Variants in CDH4 observed in about 807,000 individuals in gnomAD.
The protein encoded by CDH4 is cadherin 4, also known as cadherin-4.
In CDH4, 33 loss-of-function variants were observed where a neutral mutation model predicts 86.0. The observed-to-expected ratio is 0.38, with a 90% CI of 0.29 to 0.51. CDH4 has a LOEUF of 0.51. Ranked by LOEUF, CDH4 falls within the 20% of genes least tolerant of loss-of-function variation. CDH4 has a pLI of 0.86. For synonymous variants in CDH4, 555 were observed against 549.4 expected (o/e 1.01, Z -0.14); for missense variants, 1,114 against 1,307.4 (o/e 0.85, Z 2.28).
At chr20:61,852,980 C>G in intron 6 of CDH4, 82 bp downstream of exon 6, 5 of 1,433,686 alleles carry the variant, frequency 3.5e-6, no homozygotes, top group Non-Finnish European at 4.8e-6. Flanking sequence ...GGGAGGGCTG[C>G]TTAGTCCCCG....
intron 4 of CDH4, among the ~76,000 whole-genome samples, chr20:61,774,214 T>C (rs1023633558): frequency 5.3e-5 from 8 of 152,230 alleles, no homozygotes; most frequent in African/African-American, 1.9e-4. Context: ...GGCTCAGCTT[T>C]CCTTGGCCAC....
intron 2 of CDH4, among the ~76,000 whole-genome samples, chr20:61,312,526 C>T (rs191755734): frequency 9.9e-5 from 15 of 152,198 alleles, no homozygotes; most frequent in East Asian, 9.7e-4. Flanking sequence ...CCAGCTGGTC[C>T]GTATTGGGGA....
chr20:61,720,370 G>C (rs113982964), intron 2 of CDH4, among the ~76,000 whole-genome samples: 31 of 151,940 alleles, frequency 2.0e-4, no homozygotes, highest in Non-Finnish European at 3.7e-4. Flanking sequence ...CAGGGGACAC[G>C]TGCAGGGGTG....
At chr20:61,661,656 C>T (rs934964143) in intron 2 of CDH4, among the ~76,000 whole-genome samples, 1 of 152,076 alleles carries the variant, frequency 6.6e-6, no homozygotes, top group Non-Finnish European at 1.5e-5. Context: ...ATGGATCCTT[C>T]GTGTTTGTCA....
intron 7 of CDH4, among the ~76,000 whole-genome samples, chr20:61,887,570 GATTT>G (rs368576204): frequency 2.6e-5 from 4 of 152,338 alleles, no homozygotes; most frequent in African/African-American, 9.6e-5. Flanking sequence ...TACGATGCTT[GATTT>G]ATTTTCAATA....
chr20:61,873,379 G>T lies in CDH4; in HGVS notation c.878-349G>T, dbSNP rs932811073. Among the ~76,000 whole-genome samples, 5 of 152,206 alleles carry T rather than the reference G, an allele frequency of 3.3e-5. No individual in the cohort carries two copies. In the East Asian group the frequency reaches 9.6e-4, roughly 29 times the overall value. ...GAAGCACCTTGGACGCACTGTCGGG[G>T]CCTCAGGCCACCCGGCTCCAGGCCT... is the stretch of plus-strand genomic sequence containing the variant. On this transcript the variant is annotated intron_variant, in intron 6 of 15. Coordinates refer to ENST00000614565, the MANE Select transcript of CDH4 (RefSeq NM_001794.5).
intron 4 of CDH4, among the ~76,000 whole-genome samples, chr20:61,776,879 G>A (rs183933435): frequency 1.1e-4 from 16 of 152,302 alleles, no homozygotes; most frequent in Admixed American, 3.9e-4. Context: ...CATGGGGAAC[G>A]AGTCCAACTC....
chr20:61,317,553 G>C (rs1307126078), intron 2 of CDH4, among the ~76,000 whole-genome samples: 1 of 152,146 alleles, frequency 6.6e-6, no homozygotes. Flanking sequence ...TCCAGACCAG[G>C]TTTCCTGACG....
At chr20:61,715,660 A>G (rs11906745) in intron 2 of CDH4, among the ~76,000 whole-genome samples, 21,087 of 152,244 alleles carry the variant, frequency 0.14, 2,203 homozygotes, top group South Asian at 0.35. Flanking sequence ...AGGGACAGAC[A>G]TAGGTGGCTC....
chr20:61,313,768 G>A (rs56374158), intron 2 of CDH4, among the ~76,000 whole-genome samples: 16,825 of 152,120 alleles, frequency 0.11, 1,100 homozygotes, highest in East Asian at 0.25. Context: ...ACATGGTCTC[G>A]CTCTGTCACC....
At chr20:61,481,184 G>A (rs1360111421) in intron 2 of CDH4, among the ~76,000 whole-genome samples, 3 of 152,172 alleles carry the variant, frequency 2.0e-5, no homozygotes, top group Non-Finnish European at 2.9e-5. Context: ...GGAACACGTG[G>A]TAGGGTCTGG....
chr20:61,416,097 G>A (rs1255813586), intron 2 of CDH4, among the ~76,000 whole-genome samples: 6 of 150,164 alleles, frequency 4.0e-5, no homozygotes, highest in Non-Finnish European at 7.4e-5. Context: ...TGCCCCCTGG[G>A]TTTAAGCAAT....
At chr20:61,343,660 C>T (rs2084661333) in intron 2 of CDH4, among the ~76,000 whole-genome samples, 2 of 152,202 alleles carry the variant, frequency 1.3e-5, no homozygotes, top group African/African-American at 4.8e-5. Context: ...CAAAAAGGCT[C>T]ATCCTGCTGT....
intron 7 of CDH4, among the ~76,000 whole-genome samples, chr20:61,891,866 C>A (rs1307820839): frequency 2.6e-5 from 4 of 152,204 alleles, no homozygotes; most frequent in Non-Finnish European, 4.4e-5. Context: ...TCCTCTGGAT[C>A]CCCAGCCCTC....
At chr20:61,660,605 G>A (rs1036968742) in intron 2 of CDH4, among the ~76,000 whole-genome samples, 1 of 152,098 alleles carries the variant, frequency 6.6e-6, no homozygotes, top group African/African-American at 2.4e-5. Context: ...AGGGGTGGAC[G>A]GGGCGGTCGT....
intron 4 of CDH4, among the ~76,000 whole-genome samples, chr20:61,778,761 T>A (rs1198556351): frequency 1.3e-5 from 2 of 152,082 alleles, no homozygotes; most frequent in Non-Finnish European, 2.9e-5. Flanking sequence ...TCCAGGAACT[T>A]GGATAGGGAC....
At chr20:61,292,489 C>A (rs886866242) in intron 2 of CDH4, among the ~76,000 whole-genome samples, 3 of 152,220 alleles carry the variant, frequency 2.0e-5, no homozygotes, top group African/African-American at 7.2e-5. Context: ...GCCCCAGGGG[C>A]ACTGGGCAAC....
chr20:61,869,678 C>A (rs763117468), intron 6 of CDH4, among the ~76,000 whole-genome samples: 18 of 152,256 alleles, frequency 1.2e-4, no homozygotes, highest in Non-Finnish European at 2.2e-4. Flanking sequence ...CACATCCTGG[C>A]CCGCCTTTTC....
intron 9 of CDH4, among the ~76,000 whole-genome samples, chr20:61,921,766 A>C (rs1353032045): frequency 8.8e-6 from 1 of 113,506 alleles, no homozygotes; most frequent in Non-Finnish European, 2.0e-5. Context: ...AAAAAAAAAA[A>C]AAATCAAAGC....
Sources: allele counts gnomAD v4.1 joint callset (sites outside exome capture counted in the v4.1 genomes callset), GRCh38; gene constraint gnomAD v4.1.1; transcripts MANE v1.5; gene names NCBI Gene and HGNC (gene_info 2026-07-23, HGNC 2026-07-21).